DPP6: variants seen among roughly 807,000 people sequenced by gnomAD.
The protein encoded by DPP6 is A-type potassium channel modulatory protein DPP6.
A neutral mutation model predicts 122.6 loss-of-function variants in DPP6; 69 were observed. That is an observed-to-expected ratio of 0.56 (90% CI 0.46 to 0.69). DPP6 has a LOEUF of 0.69. Among genes scored for constraint, DPP6 ranks in the 30% least tolerant of loss-of-function variants. The pLI, the probability that DPP6 is intolerant of heterozygous loss-of-function variation, is 0.00. For synonymous variants in DPP6, 418 were observed against 433.1 expected (o/e 0.97, Z 0.43); for missense variants, 928 against 1,116.9 (o/e 0.83, Z 2.41).
chr7:154,497,145 C>G (rs974052655), intron 3 of DPP6, among the ~76,000 whole-genome samples: 1 of 152,144 alleles, frequency 6.6e-6, no homozygotes, highest in African/African-American at 2.4e-5. Flanking sequence ...GTAACCTTCA[C>G]AAACTTGGAA....
At chr7:154,641,135 C>T (rs1015174069) in intron 6 of DPP6, among the ~76,000 whole-genome samples, 1 of 152,194 alleles carries the variant, frequency 6.6e-6, no homozygotes, top group South Asian at 2.1e-4. Context: ...CTTCCTTCCT[C>T]CGATGGCTGT....
At chr7:154,019,118 G>T (rs1798568207) in intron 1 of DPP6, among the ~76,000 whole-genome samples, 1 of 152,174 alleles carries the variant, frequency 6.6e-6, no homozygotes, top group Admixed American at 6.5e-5. Flanking sequence ...GAAGAAAAAT[G>T]ACTGTCACCA....
chr7:154,877,397 GTGTGCGTGCACACACACACACA>G lies in DPP6; in HGVS notation c.2078+1298_2078+1319del, dbSNP rs1804964919. On this transcript the variant is annotated intron_variant, in intron 20 of 25. Coordinates refer to ENST00000377770, the MANE Select transcript of DPP6 (RefSeq NM_130797.4). The surrounding 1 kb of genome is among the most constrained non-coding windows in gnomAD (Gnocchi z 5.2). ...GAAGTCAATGACTACAACAACACAT[GTGTGCGTGCACACACACACACA>G]CACACACACACACCTCTCAAATAAG... 7.8e-6 allele frequency among the ~76,000 whole-genome samples: 1 copy of G among 127,820 alleles called. No individual in the cohort carries two copies. The highest frequency in any genetic ancestry group is 2.5e-4 in the South Asian group (1 of 4,050). 83.9% of individuals were successfully genotyped at this position (127,820 alleles called of 152,430 possible).
chr7:154,268,165 A>G (rs1422608982), intron 1 of DPP6, among the ~76,000 whole-genome samples: 1 of 152,152 alleles, frequency 6.6e-6, no homozygotes, highest in Non-Finnish European at 1.5e-5. Flanking sequence ...TGCTGTTTCT[A>G]TGAGGAATAA....
At chr7:154,259,281 C>T (rs930547404) in intron 1 of DPP6, among the ~76,000 whole-genome samples, 1 of 152,230 alleles carries the variant, frequency 6.6e-6, no homozygotes, top group Non-Finnish European at 1.5e-5. Flanking sequence ...AACAAAGTCA[C>T]ATTTTCAAAG....
intron 1 of DPP6, among the ~76,000 whole-genome samples, chr7:154,432,511 G>T (rs914765437): frequency 9.2e-5 from 14 of 152,148 alleles, no homozygotes; most frequent in Non-Finnish European, 2.1e-4. Flanking sequence ...TCTTAACAAT[G>T]ATCTAGGGGT....
chr7:154,616,264 T>C (rs961730335), intron 5 of DPP6, among the ~76,000 whole-genome samples: 1 of 152,138 alleles, frequency 6.6e-6, no homozygotes, highest in African/African-American at 2.4e-5. Context: ...CACAGCTCCA[T>C]CCCCTAGAAA....
chr7:153,909,410 AACATGCTTT>A (rs778020021), intron 1 of DPP6, among the ~76,000 whole-genome samples: 30,866 of 151,116 alleles, frequency 0.2, 3,673 homozygotes, highest in East Asian at 0.29. Context: ...ATTGAGGACA[AACATGCTTT>A]TACATTTATC....
chr7:154,789,913 TG>T (rs1444460288), intron 10 of DPP6, among the ~76,000 whole-genome samples: 1 of 152,128 alleles, frequency 6.6e-6, no homozygotes, highest in Non-Finnish European at 1.5e-5. Flanking sequence ...AAAATGTATT[TG>T]GGGCCAGGCA....
At chr7:154,559,786 GC>G (rs1830291371) in intron 4 of DPP6, among the ~76,000 whole-genome samples, 1 of 151,564 alleles carries the variant, frequency 6.6e-6, no homozygotes, top group Non-Finnish European at 1.5e-5. Flanking sequence ...ATTTGTATAG[GC>G]CCAGCTACTC....
intron 1 of DPP6, among the ~76,000 whole-genome samples, chr7:154,207,914 CA>C (rs1327174860): frequency 6.6e-6 from 1 of 150,800 alleles, no homozygotes; most frequent in Non-Finnish European, 1.5e-5. Flanking sequence ...ACGATCATGC[CA>C]CTGCACTCCA....
chr7:154,192,637 C>T (rs1798669490), intron 1 of DPP6, among the ~76,000 whole-genome samples: 1 of 152,190 alleles, frequency 6.6e-6, no homozygotes, highest in Admixed American at 6.5e-5. Context: ...TTGAGGAAGG[C>T]CACAAGAAGG....
chr7:154,709,574 A>G (rs1049821048), intron 7 of DPP6, among the ~76,000 whole-genome samples: 4 of 130,948 alleles, frequency 3.1e-5, no homozygotes, highest in Non-Finnish European at 4.8e-5. Flanking sequence ...TCTGTAAGAC[A>G]ACGACATTTT....
chr7:154,881,027 G>A, intron 21 of DPP6, 85 bp downstream of exon 21: 1 of 1,506,946 alleles, frequency 6.6e-7, no homozygotes, highest in Non-Finnish European at 8.9e-7. Flanking sequence ...GATTTATTGA[G>A]AACGTCTGTG....
intron 1 of DPP6, among the ~76,000 whole-genome samples, chr7:154,236,697 G>A (rs977719491): frequency 2.0e-5 from 3 of 152,170 alleles, no homozygotes; most frequent in African/African-American, 7.2e-5. Flanking sequence ...CCTATAATCA[G>A]ATTTAAAGAA....
At chr7:154,312,384 A>G (rs534869442) in intron 1 of DPP6, among the ~76,000 whole-genome samples, 81 of 152,242 alleles carry the variant, frequency 5.3e-4, no homozygotes, top group Non-Finnish European at 9.4e-4. Flanking sequence ...TTTACAAAGC[A>G]CGTTGCTGAT....
At chr7:153,806,837 AGGCAGG>A in the DPP6 span, among the ~76,000 whole-genome samples, 14,403 of 149,424 alleles carry the variant, frequency 0.096, 926 homozygotes, top group African/African-American at 0.19. Context: ...GGGTGAGGAA[AGGCAGG>A]GGCAAAAAGA....
intron 1 of DPP6, among the ~76,000 whole-genome samples, chr7:153,898,347 G>C (rs779540627): frequency 8.5e-5 from 13 of 152,156 alleles, no homozygotes; most frequent in Non-Finnish European, 1.5e-4. Context: ...AGCTACTTGG[G>C]AGGCTTAGGT....
chr7:153,873,128 T>C, the DPP6 span, among the ~76,000 whole-genome samples: 1 of 152,122 alleles, frequency 6.6e-6, no homozygotes, highest in African/African-American at 2.4e-5. Context: ...AATCACGTGG[T>C]GAGGAAGAAC....
Sources: gnomAD v4.1 joint callset for allele counts (sites outside exome capture counted in the v4.1 genomes callset) on GRCh38, gnomAD v4.1.1 for gene constraint, Gnocchi (gnomAD v3.1) non-coding constraint, MANE v1.5 for transcripts, NCBI Gene and HGNC (gene_info 2026-07-23, HGNC 2026-07-21) for gene names.